Variants in ZNF106 observed in about 807,000 individuals in gnomAD.
ZNF106 encodes the protein SH3-domain binding protein 3.
ZNF106 carries 67 observed loss-of-function variants against 195.1 expected under a neutral mutation model. The observed-to-expected ratio is 0.34, with a 90% CI of 0.28 to 0.42. ZNF106 has a LOEUF of 0.42. Among genes scored for constraint, ZNF106 ranks in the 10% least tolerant of loss-of-function variants. ZNF106 has a pLI of 1.00. For missense variants in ZNF106, 2,118 were observed against 2,304.5 expected (o/e 0.92, Z 1.66); for synonymous variants, 784 against 818.6 (o/e 0.96, Z 0.72).
chr15:42,466,716 A>C (rs191939496), intron 2 of ZNF106, among the ~76,000 whole-genome samples: 1 of 152,318 alleles, frequency 6.6e-6, no homozygotes, highest in Non-Finnish European at 1.5e-5. Context: ...CTTTATCTTC[A>C]CTGTCCACTC....
Position 42,448,259 on chromosome 15 carries a change from C to G in ZNF106, c.2948G>C (p.Arg983Thr), listed in dbSNP as rs1168485152. The G allele has an allele frequency of 6.2e-7, 1 of 1,614,178 alleles. No individual in the cohort carries two copies. The highest frequency in any genetic ancestry group is 8.5e-7 in the Non-Finnish European group (1 of 1,180,030). ...CTGATTCTCTGACGGTGGTATAGAC[C>G]TCTCCTGGCTGTTCAAGTCTTTTGC... is the stretch of plus-strand genomic sequence containing the variant. ...HLAKDLNSQE[R>T]SIPPSENQNS... Residue 983 changes from arginine (R) to threonine (T), a missense_variant, in exon 6 of 22, where the codon AGG becomes ACG. Arg to Thr is a moderately conservative substitution (Grantham distance 71, BLOSUM62 -1). Transcript: ENST00000564754.
chr15:42,442,056 G>A lies in ZNF106; in HGVS notation c.3763+17C>T, dbSNP rs1288428643. On this transcript the variant is annotated intron_variant, in intron 10 of 21. Coordinates refer to ENST00000564754, the MANE Select transcript of ZNF106 (RefSeq NM_001366845.3). ...TCACTACTGGGATGCCCTTAACCCAGAGAAAAGCTTACATACTATTAGCTT... is the reference window on the plus strand; with the variant it reads ...TCACTACTGGGATGCCCTTAACCCAAAGAAAAGCTTACATACTATTAGCTT... The A allele has an allele frequency of 5.0e-6, 8 of 1,587,734 alleles. No individual in the cohort carries two copies. The highest frequency in any genetic ancestry group is 6.0e-6 in the Non-Finnish European group (7 of 1,165,396).
At chr15:42,464,941 ATG>A (rs2056481039) in intron 3 of ZNF106, among the ~76,000 whole-genome samples, 1 of 152,138 alleles carries the variant, frequency 6.6e-6, no homozygotes, top group Non-Finnish European at 1.5e-5. Flanking sequence ...GCCATGTAAG[ATG>A]TAACTCTGCT....
rs758838879 is a variant in ZNF106, at chr15:42,448,133, C to T, written c.3074G>A (p.Cys1025Tyr). 2 of 1,614,150 alleles carry T rather than the reference C, an allele frequency of 1.2e-6. No homozygotes were observed. The highest frequency in any genetic ancestry group is 4.5e-5 in the East Asian group (2 of 44,880). The change falls in exon 6 of 22, where the codon TGT becomes TAT. Residue 1025 changes from cysteine (C) to tyrosine (Y), a missense_variant. Coordinates refer to ENST00000564754, the MANE Select transcript of ZNF106 (RefSeq NM_001366845.3). ...SLADAATDSS[C>Y]TSGAEQNDGQ... is the part of the protein sequence containing the mutation. ...ATCATTTTGTTCAGCACCAGAGGTA[C>T]AGCTACTATCTGTGGCTGCATCCGC...
At chr15:42,477,494 C>A (rs1045305354) in intron 1 of ZNF106, among the ~76,000 whole-genome samples, 2 of 152,176 alleles carry the variant, frequency 1.3e-5, no homozygotes, top group African/African-American at 4.8e-5. Context: ...CAGTAGCTCA[C>A]GTCTGTAATC....
At chr15:42,465,189 C>A (rs1224544345) in intron 3 of ZNF106, among the ~76,000 whole-genome samples, 1 of 152,234 alleles carries the variant, frequency 6.6e-6, no homozygotes, top group Non-Finnish European at 1.5e-5. Flanking sequence ...GCATCAGCCA[C>A]TGCACCTGGC....
At chr15:42,480,342 T>C (rs956218952) in intron 1 of ZNF106, among the ~76,000 whole-genome samples, 1 of 152,230 alleles carries the variant, frequency 6.6e-6, no homozygotes, top group Admixed American at 6.5e-5. Flanking sequence ...TATTGAAGTC[T>C]ATTTTATCTG....
At position 42,421,146 on chromosome 15, in the gene ZNF106, G is replaced by A. The variant is rs1165603024; in HGVS notation, c.5446-14C>T. 2 of 1,613,396 alleles carry A rather than the reference G, an allele frequency of 1.2e-6. No individual in the cohort carries two copies. Among genetic ancestry groups the A allele is most frequent in the Non-Finnish European group, 1.7e-6 (2 of 1,179,596 alleles). ...GCCAGTGTAAATCTGGAGAAAGAGA[G>A]GTTTATAATATCAGACCAAAATACA... is the stretch of plus-strand genomic sequence containing the variant. On this transcript the variant is annotated splice_polypyrimidine_tract_variant and intron_variant, in intron 19 of 21. Coordinates refer to ENST00000564754, the MANE Select transcript of ZNF106 (RefSeq NM_001366845.3).
intron 4 of ZNF106, among the ~76,000 whole-genome samples, chr15:42,453,360 G>A (rs757139764): frequency 2.0e-5 from 3 of 152,232 alleles, no homozygotes; most frequent in Middle Eastern, 3.4e-3. Flanking sequence ...CATGTCAGAC[G>A]AGGAGTCCAC....
intron 1 of ZNF106, 24 bp from the exon 2 acceptor site, chr15:42,472,345 G>C: frequency 6.6e-6 from 10 of 1,510,082 alleles, no homozygotes; most frequent in Non-Finnish European, 8.9e-6. Flanking sequence ...GTAACATTTA[G>C]TAACCTTTTC....
chr15:42,461,731 T>C (rs1349247998), intron 3 of ZNF106, among the ~76,000 whole-genome samples: 1 of 152,152 alleles, frequency 6.6e-6, no homozygotes, highest in Non-Finnish European at 1.5e-5. Flanking sequence ...AACCAAAAAC[T>C]GTAGACACAA....
Position 42,415,622 on chromosome 15 carries a change from A to G in ZNF106, c.*1682T>C, listed in dbSNP as rs1250612988. On this transcript the variant is annotated 3_prime_UTR_variant, in exon 22 of 22. Coordinates refer to ENST00000564754, the MANE Select transcript of ZNF106 (RefSeq NM_001366845.3). The stretch of plus-strand genomic sequence containing the variant: ...TGTGAGTGGATATATGTGCACTAAC[A>G]GGGGCGAAGACAGACCTGGATGGTC... 5 of 310,520 alleles carry G rather than the reference A, an allele frequency of 1.6e-5. No individual in the cohort carries two copies. Among genetic ancestry groups the G allele is most frequent in the East Asian group, 1.6e-4 (2 of 12,510 alleles). 19.2% of individuals were successfully genotyped at this position (310,520 alleles called of 1,614,324 possible). A position where few individuals can be genotyped will look rare whatever the true frequency, so the allele number is the denominator to read the frequency against.
chr15:42,435,555 G>A (rs1039061613), intron 13 of ZNF106, 37 bp from the exon 14 acceptor site: 1 of 1,611,420 alleles, frequency 6.2e-7, no homozygotes, highest in Non-Finnish European at 8.5e-7. Context: ...TTACTTATGA[G>A]ATATAGGAGG....
rs1234892983 is a variant in ZNF106 at position 42,416,134 on chromosome 15, G to A, written c.*1170C>T. 6.6e-6 allele frequency: 1 copy of A among 152,204 alleles called. No individual in the cohort carries two copies. The highest frequency in any genetic ancestry group is 6.5e-5 in the Admixed American group (1 of 15,282). 9.4% of individuals were successfully genotyped at this position (152,204 alleles called of 1,614,324 possible). On this transcript the variant is annotated 3_prime_UTR_variant, in exon 22 of 22. Coordinates refer to ENST00000564754, the MANE Select transcript of ZNF106 (RefSeq NM_001366845.3). ...AAATCCAAAAACAAAGCCCCACTGAGGGTTTGTGAATTTGGCTGTTCTCAG... is the reference window on the plus strand; with the variant it reads ...AAATCCAAAAACAAAGCCCCACTGAAGGTTTGTGAATTTGGCTGTTCTCAG...
chr15:42,430,932 A>G (rs1225651500), intron 14 of ZNF106, among the ~76,000 whole-genome samples: 1 of 152,018 alleles, frequency 6.6e-6, no homozygotes, highest in African/African-American at 2.4e-5. Context: ...GGCATGAGCC[A>G]CTGTGCCCAG....
chr15:42,433,881 TTC>T (rs1474103768), intron 14 of ZNF106, among the ~76,000 whole-genome samples: 1 of 151,432 alleles, frequency 6.6e-6, no homozygotes, highest in Non-Finnish European at 1.5e-5. Context: ...CAGGTTCTTG[TTC>T]TGTCACCCAG....
rs1024316236 is a variant in ZNF106 at position 42,428,140 on chromosome 15, A to G, written c.4882-6T>C. The G allele has an allele frequency of 1.2e-6, 2 of 1,611,854 alleles. No individual in the cohort carries two copies. The highest frequency in any genetic ancestry group is 8.5e-7 in the Non-Finnish European group (1 of 1,178,056). On this transcript the variant is annotated splice_region_variant and splice_polypyrimidine_tract_variant and intron_variant, in intron 14 of 21. Coordinates refer to ENST00000564754, the MANE Select transcript of ZNF106 (RefSeq NM_001366845.3). ...TGCTCCACACACTCTCGGCTCTGAT[A>G]AAAGCACACAACCTTTAATCAGCAG...
chr15:42,442,387 T>C lies in ZNF106; in HGVS notation c.3449A>G (p.Asp1150Gly), dbSNP rs201121020. The C allele has an allele frequency of 4.3e-5, 70 of 1,613,590 alleles. No individual in the cohort carries two copies. Among genetic ancestry groups the C allele is most frequent in the Non-Finnish European group, 5.5e-5 (65 of 1,179,674 alleles). Residue 1150 changes from aspartate to glycine, a missense_variant, in exon 10 of 22, where the codon GAC becomes GGC. Transcript: ENST00000564754. ...QETYEPSEHPDQVPCSLTRER... is the reference protein window; with the variant it reads ...QETYEPSEHPGQVPCSLTRER... ...TCGTGTGAGGCTACAGGGAACCTGGTCTGGGTGCTCAGAAGGTTCATATGT... is the reference window on the plus strand; with the variant it reads ...TCGTGTGAGGCTACAGGGAACCTGGCCTGGGTGCTCAGAAGGTTCATATGT...
intron 3 of ZNF106, among the ~76,000 whole-genome samples, chr15:42,457,900 T>C (rs2056284363): frequency 1.3e-5 from 2 of 152,322 alleles, no homozygotes; most frequent in African/African-American, 4.8e-5. Flanking sequence ...CTAGGCAGAC[T>C]TTTTTGCTTT....
Sources: allele counts gnomAD v4.1 joint callset (sites outside exome capture counted in the v4.1 genomes callset), GRCh38; gene constraint gnomAD v4.1.1; transcripts MANE v1.5; gene names NCBI Gene and HGNC (gene_info 2026-07-23, HGNC 2026-07-21).